The following MROH1 variants were observed in gnomAD, a reference collection of about 807,000 sequenced individuals.
MROH1 encodes the protein maestro heat like repeat family member 1, also known as maestro heat-like repeat-containing protein family member 1.
In MROH1, 117 loss-of-function variants were observed where a neutral mutation model predicts 116.5. The ratio of observed to expected loss-of-function variants is 1.00; its 90% confidence interval spans 0.86 to 1.17. The LOEUF (loss-of-function observed/expected upper bound fraction) is 1.17, where lower values mean the gene tolerates loss of function less well. MROH1 is among the 50% of genes most tolerant of loss of function. The pLI is 0.00. For synonymous variants in MROH1, 921 were observed against 583.9 expected (o/e 1.58, Z -8.32); for missense variants, 1,873 against 1,338.5 (o/e 1.40, Z -6.23).
chr8:144,186,974 T>A (rs1013795020), intron 7 of MROH1, among the ~76,000 whole-genome samples: 1 of 152,008 alleles, frequency 6.6e-6, no homozygotes, highest in South Asian at 2.1e-4. Flanking sequence ...AGTGTGTGCC[T>A]ATAGTCCCAG....
chr8:144,243,064 A>G (rs1346079839), intron 24 of MROH1, among the ~76,000 whole-genome samples: 1 of 152,230 alleles, frequency 6.6e-6, no homozygotes, highest in African/African-American at 2.4e-5. Flanking sequence ...AGCCTCACTA[A>G]CAAGTTTCCC....
At chr8:144,213,082 G>A in intron 12 of MROH1, 2 of 778,762 alleles carry the variant, frequency 2.6e-6, no homozygotes, top group East Asian at 2.4e-5. Flanking sequence ...CTGCTCCGCA[G>A]CCTGCTGATC....
chr8:144,261,426 C>T, intron 43 of MROH1, 77 bp downstream of exon 43: 2 of 700,212 alleles, frequency 2.9e-6, no homozygotes, highest in Non-Finnish European at 5.2e-6. Context: ...AGTGATTTTC[C>T]TGGATTTCAG....
At chr8:144,215,162 AATT>A (rs1834964551) in intron 12 of MROH1, among the ~76,000 whole-genome samples, 1 of 152,222 alleles carries the variant, frequency 6.6e-6, no homozygotes, top group Non-Finnish European at 1.5e-5. Flanking sequence ...CCTTCACTCT[AATT>A]AAGTTGACAC....
rs1182805077 is a variant in MROH1 at position 144,240,522 on chromosome 8, C to T, written c.1828-48C>T. On this transcript the variant is annotated intron_variant, in intron 19 of 43. Transcript: ENST00000326134. Reference sequence around the variant, plus strand: ...GGATGTGCCCAGGCTCCAGCCAGCCCTGTGAGGGGTCGGGCTCCCAGCCCC... The same window carrying T: ...GGATGTGCCCAGGCTCCAGCCAGCCTTGTGAGGGGTCGGGCTCCCAGCCCC... 9.1e-5 allele frequency: 65 copies of T among 712,958 alleles called. 1 individual carries two copies. Among genetic ancestry groups the T allele is most frequent in the Non-Finnish European group, 1.2e-4 (48 of 384,780 alleles). 44.2% of individuals were successfully genotyped at this position (712,958 alleles called of 1,614,324 possible). A position where few individuals can be genotyped will look rare whatever the true frequency, so the allele number is the denominator to read the frequency against.
chr8:144,240,221 C>T (rs1051803159), intron 19 of MROH1, 68 bp downstream of exon 19: 79 of 692,000 alleles, frequency 1.1e-4, no homozygotes, highest in Non-Finnish European at 1.8e-4. Flanking sequence ...GCTGGGGTGG[C>T]AGAGGCTGGG....
intron 29 of MROH1, among the ~76,000 whole-genome samples, chr8:144,245,749 T>A (rs1841775425): frequency 6.6e-6 from 1 of 152,140 alleles, no homozygotes. Flanking sequence ...AGCCTGGAAC[T>A]CCTGGGCTCA....
chr8:144,241,622 C>G, intron 22 of MROH1, 105 bp downstream of exon 22: 1 of 762,000 alleles, frequency 1.3e-6, no homozygotes, highest in Non-Finnish European at 2.4e-6. Flanking sequence ...TGGTTGCGTC[C>G]CTGGACCAAT....
Position 144,261,730 on chromosome 8 carries a change from A to G in MROH1, c.4916A>G (p.Lys1639Arg). Residue 1639 changes from lysine (K) to arginine (R), a missense_variant, in exon 44 of 44, where the codon AAG (lysine) becomes AGG (arginine). Transcript: ENST00000326134. ...RAAEALGRLV[K>R]LA ...GCTGAGGCCCTGGGCCGCCTGGTGA[A>G]GCTCGCCTAAGGCTCCGGCCAGCAC... The G allele has an allele frequency of 1.4e-6, 1 of 714,920 alleles. No homozygotes were observed. The allele number at this position is 714,920 out of a possible 1,614,324, so 44.3% of individuals were successfully genotyped here.
At chr8:144,213,134 G>A (rs763428598) in intron 12 of MROH1, 3 of 766,240 alleles carry the variant, frequency 3.9e-6, no homozygotes, top group Non-Finnish European at 7.3e-6. Flanking sequence ...CACCACGGCT[G>A]TTACATCCCG....
intron 10 of MROH1, among the ~76,000 whole-genome samples, chr8:144,195,378 TGTA>T (rs755251628): frequency 1.3e-5 from 2 of 148,972 alleles, no homozygotes; most frequent in Non-Finnish European, 3.0e-5. Context: ...AGTGGGTGCC[TGTA>T]GTCCCAGCTA....
At chr8:144,156,120 C>G (rs1393978008) in intron 1 of MROH1, among the ~76,000 whole-genome samples, 1 of 151,738 alleles carries the variant, frequency 6.6e-6, no homozygotes, top group Non-Finnish European at 1.5e-5. Flanking sequence ...GTCTGTAATC[C>G]CAGCTACTCT....
chr8:144,260,540 C>T, intron 39 of MROH1, 137 bp from the exon 40 acceptor site: 1 of 745,854 alleles, frequency 1.3e-6, no homozygotes, highest in Non-Finnish European at 2.4e-6. Flanking sequence ...TGGCAGCCCC[C>T]ACCCGTAAGG....
chr8:144,257,755 ACTGTCACCACCACCAG>A (rs1364488527), intron 35 of MROH1, among the ~76,000 whole-genome samples: 2 of 152,208 alleles, frequency 1.3e-5, no homozygotes, highest in Non-Finnish European at 1.5e-5. Flanking sequence ...GGGCAGTGGC[ACTGTCACCACCACCAG>A]CGGTCACCAC....
intron 7 of MROH1, 88 bp from the exon 8 acceptor site, chr8:144,190,696 T>A: frequency 6.6e-7 from 1 of 1,516,326 alleles, no homozygotes; most frequent in Non-Finnish European, 8.9e-7. Flanking sequence ...GCCGTGGGAT[T>A]TCTGGAAGGG....
At chr8:144,208,038 C>G (rs1833243049) in intron 12 of MROH1, among the ~76,000 whole-genome samples, 1 of 151,700 alleles carries the variant, frequency 6.6e-6, no homozygotes, top group Admixed American at 6.6e-5. Flanking sequence ...CTCCACCTCC[C>G]AGGTTCAAGT....
chr8:144,180,632 G>T lies in MROH1; in HGVS notation c.562+109G>T. On this transcript the variant is annotated intron_variant, in intron 7 of 43. Coordinates refer to ENST00000326134, the MANE Select transcript of MROH1 (RefSeq NM_032450.3). The surrounding 1 kb of genome is among the most constrained non-coding windows in gnomAD (Gnocchi z 7.4). The stretch of plus-strand genomic sequence containing the variant: ...GGTGGGCACTTTAGGCTGCAGGAAG[G>T]GGGGCTGTTGGAGGGAGGGGCCCCC... 9.2e-7 allele frequency: 1 copy of T among 1,086,260 alleles called. No homozygotes were observed. The highest frequency in any genetic ancestry group is 1.3e-6 in the Non-Finnish European group (1 of 769,702). 67.3% of individuals were successfully genotyped at this position (1,086,260 alleles called of 1,614,324 possible).
At chr8:144,248,746 CGGCTGGGGCCCGGCTGCAAGAAGGGGTGT>C in intron 31 of MROH1, 102 bp from the exon 32 acceptor site, 1 of 693,468 alleles carries the variant, frequency 1.4e-6, no homozygotes, top group Non-Finnish European at 2.7e-6. Flanking sequence ...CAGGGCCCAG[CGGCTGGGGCCCGGCTGCAAGAAGGGGTGT>C]GGCTTCCCGC....
chr8:144,214,781 T>A (rs1834902907), intron 12 of MROH1, among the ~76,000 whole-genome samples: 1 of 152,168 alleles, frequency 6.6e-6, no homozygotes, highest in Admixed American at 6.6e-5. Flanking sequence ...GTATTAGGGT[T>A]CTCTAGAGGG....
Sources: allele counts gnomAD v4.1 joint callset (sites outside exome capture counted in the v4.1 genomes callset), GRCh38; gene constraint gnomAD v4.1.1; non-coding constraint Gnocchi (gnomAD v3.1); transcripts MANE v1.5; gene names NCBI Gene and HGNC (gene_info 2026-07-23, HGNC 2026-07-21).